SETD1B: variants seen among roughly 807,000 people sequenced by gnomAD.
SETD1B encodes SET domain containing 1B, histone lysine methyltransferase.
A neutral mutation model predicts 148.0 loss-of-function variants in SETD1B; 7 were observed. That is an observed-to-expected ratio of 0.05 (90% CI 0.03 to 0.09). The LOEUF is 0.09. Ranked by LOEUF, SETD1B falls within the 10% of genes least tolerant of loss-of-function variation. The pLI, the probability that SETD1B is intolerant of heterozygous loss-of-function variation, is 1.00. For missense variants in SETD1B, 2,155 were observed against 2,729.9 expected, an observed-to-expected ratio of 0.79 and a Z score of 4.69; for synonymous variants, 1,361 against 1,186.5, an observed-to-expected ratio of 1.15 and a Z score of -3.02.
the SETD1B span, among the ~76,000 whole-genome samples, chr12:121,796,663 G>A: frequency 2.0e-5 from 3 of 152,240 alleles, no homozygotes; most frequent in African/African-American, 4.8e-5. Flanking sequence ...CTGCCCATGA[G>A]CACTCGGGGA....
At position 121,823,568 on chromosome 12, in the gene SETD1B, G is replaced by A. The variant is rs933920568; in HGVS notation, c.4989G>A (p.Ser1663=). 1.7e-5 allele frequency: 26 copies of A among 1,551,014 alleles called. No homozygotes were observed. Among genetic ancestry groups the A allele is most frequent in the East Asian group, 2.4e-5 (1 of 40,900 alleles). ...CACCTGCGGGCTCGCCCGAACTCTC[G>A]CCACCCCAGCCCCTCTTCCGGCCCC... is the stretch of plus-strand genomic sequence containing the variant. ...LVPPAGSPEL[S]PPQPLFRPRS... Residue 1663 remains serine (S), a synonymous_variant, in exon 12 of 17, where the codon TCG becomes TCA. Coordinates refer to ENST00000604567, the MANE Select transcript of SETD1B (RefSeq NM_001353345.2).
chr12:121,800,915 A>G (rs1241686078), upstream of SETD1B: 1 of 151,906 alleles, frequency 6.6e-6, no homozygotes, highest in Non-Finnish European at 1.5e-5. Context: ...GGAGGAAGGA[A>G]GGAAAGAGAG....
Position 121,817,338 on chromosome 12 carries a change from C to A in SETD1B, c.2978-32C>A, listed in dbSNP as rs909222863. On this transcript the variant is annotated intron_variant, in intron 8 of 16. Transcript: ENST00000604567. This position sits in a 1 kb window ranked among gnomAD's most constrained non-coding sequence, Gnocchi z 8.1. ...GGGGTCCCCTTCTTCCGCATCCCCC[C>A]AGCCCAGCTCTGACTCCCTCCCTTC... 1 of 1,536,212 alleles carries A rather than the reference C, an allele frequency of 6.5e-7. No individual in the cohort carries two copies. Among genetic ancestry groups the A allele is most frequent in the Non-Finnish European group, 8.8e-7 (1 of 1,138,044 alleles).
rs1875707250 is a variant in SETD1B, at chr12:121,805,691, T to TTTTTTTTCCAAAAAAAA, written c.274-137_274-136insCCAAAAAAAATTTTTTT. On this transcript the variant is annotated intron_variant, in intron 3 of 16. Coordinates refer to ENST00000604567, the MANE Select transcript of SETD1B (RefSeq NM_001353345.2). This position sits in a 1 kb window ranked among gnomAD's most constrained non-coding sequence, Gnocchi z 4.2. ...TGCATTTTTTTTTTCCAAAAAAAAT[T>TTTTTTTTCCAAAAAAAA]TTTTTTTTTTTTTTAATTTTTAGTT... 1 of 27,458 alleles carries TTTTTTTTCCAAAAAAAA rather than the reference T, an allele frequency of 3.6e-5. No homozygotes were observed. Among genetic ancestry groups the TTTTTTTTCCAAAAAAAA allele is most frequent in the Non-Finnish European group, 5.6e-5 (1 of 17,898 alleles). 1.7% of individuals were successfully genotyped at this position (27,458 alleles called of 1,614,324 possible).
At chr12:121,820,583 G>C (rs1876519748) in intron 11 of SETD1B, among the ~76,000 whole-genome samples, 1 of 151,854 alleles carries the variant, frequency 6.6e-6, no homozygotes, top group South Asian at 2.1e-4. Flanking sequence ...ACCCAGGCTG[G>C]AGTGCAGTGG....
intron 12 of SETD1B, 65 bp downstream of exon 12, chr12:121,823,814 G>A (rs778897960): frequency 1.9e-4 from 275 of 1,480,606 alleles, no homozygotes; most frequent in Non-Finnish European, 2.3e-4. Flanking sequence ...TCACCTCTCT[G>A]GGCCCCACCA....
rs188677827 is a variant in SETD1B at position 121,830,125 on chromosome 12, G to A, written c.5787G>A (p.Ser1929=). Residue 1929 remains serine, a synonymous_variant, in exon 17 of 17, where the codon TCG becomes TCA. Transcript: ENST00000604567. The surrounding 1 kb of genome is among the most constrained non-coding windows in gnomAD (Gnocchi z 5.7). ...CACAGAAGAAGATAGTCATCTACTC[G>A]AAGCAGCACATTAACGTCAATGAGG... ...VESQKKIVIY[S]KQHINVNEEI... The A allele has an allele frequency of 7.6e-5, 118 of 1,551,488 alleles. 1 individual carries two copies. In the African/African-American group the frequency reaches 7.9e-4, roughly 10 times the overall value.
At chr12:121,799,324 A>G (rs1218458816), upstream of SETD1B, 1 of 152,276 alleles carries the variant, frequency 6.6e-6, no homozygotes, top group African/African-American at 2.4e-5. Context: ...CTGGAGAAGA[A>G]AACAATCCCA....
At chr12:121,812,535 A>G (rs1343950789) in intron 6 of SETD1B, among the ~76,000 whole-genome samples, 1 of 151,616 alleles carries the variant, frequency 6.6e-6, no homozygotes, top group South Asian at 2.1e-4. Context: ...TCTCACCCCG[A>G]GACTGCTGGG....
At chr12:121,813,568 T>G (rs1876141322) in intron 6 of SETD1B, among the ~76,000 whole-genome samples, 1 of 152,178 alleles carries the variant, frequency 6.6e-6, no homozygotes, top group African/African-American at 2.4e-5. Flanking sequence ...AATAGGGCTG[T>G]TCTGAGGATT....
the SETD1B span, among the ~76,000 whole-genome samples, chr12:121,796,541 A>G: frequency 6.6e-6 from 1 of 152,210 alleles, no homozygotes; most frequent in Non-Finnish European, 1.5e-5. Flanking sequence ...GGCCACCCAC[A>G]TGAGGCAGAA....
chr12:121,819,314 C>T (rs1876451004), intron 10 of SETD1B, 90 bp from the exon 11 acceptor site: 3 of 1,523,830 alleles, frequency 2.0e-6, no homozygotes, highest in African/African-American at 1.4e-5. Flanking sequence ...AGCCTGGGTG[C>T]CACCAGTTTG....
Position 121,810,518 on chromosome 12 carries a change from G to A in SETD1B, c.1573G>A (p.Glu525Lys), listed in dbSNP as rs1308964256. The A allele has an allele frequency of 1.9e-6, 3 of 1,546,096 alleles. No homozygotes were observed. Among genetic ancestry groups the A allele is most frequent in the Non-Finnish European group, 1.7e-6 (2 of 1,146,962 alleles). Residue 525 changes from glutamate (E) to lysine (K), a missense_variant, in exon 6 of 17, where the codon GAG (glutamate) becomes AAG (lysine). By Grantham distance (56) the Glu-to-Lys change is moderately conservative. Transcript: ENST00000604567. The surrounding 1 kb of genome is among the most constrained non-coding windows in gnomAD (Gnocchi z 7.6). The stretch of plus-strand genomic sequence containing the variant: ...CCTGAGGGAGCCGGACTCGGACACC[G>A]AGCTGCAGATGGAGGGCAGCCCCAT... ...LFLREPDSDTELQMEGSPISS... is the reference protein window; with the variant it reads ...LFLREPDSDTKLQMEGSPISS...
chr12:121,823,190 C>A lies in SETD1B; in HGVS notation c.4611C>A (p.Val1537=). Residue 1537 remains valine (V), a synonymous_variant, in exon 12 of 17, where the codon GTC becomes GTA. Transcript: ENST00000604567. ...TGCTCTCCTTGGATGGGCCCTTGGTCCGACCACCAGCAGGGGCCGCCCTTG... is the reference window on the plus strand; with the variant it reads ...TGCTCTCCTTGGATGGGCCCTTGGTACGACCACCAGCAGGGGCCGCCCTTG... ...PSMLSLDGPL[V]RPPAGAALGR... The A allele has an allele frequency of 6.5e-7, 1 of 1,546,632 alleles. No homozygotes were observed. The highest frequency in any genetic ancestry group is 8.7e-7 in the Non-Finnish European group (1 of 1,146,348).
At position 121,814,886 on chromosome 12, in the gene SETD1B, C is replaced by T; in HGVS notation, c.2671C>T (p.Arg891Trp). The change falls in exon 7 of 17, where the codon CGG becomes TGG. Residue 891 changes from arginine to tryptophan, a missense_variant. This residue lies in a region of SETD1B where 289 missense variants were observed against 423.7 expected (regional missense o/e 0.68). Transcript: ENST00000604567. ...CAAGATGGTGGAAGTGGTGGCTTTC[C>T]GGGCCTTTGACGAGTGGTGGGACAA... ...NRKMVEVVAF[R>W]AFDEWWDKKE... 3 of 1,522,618 alleles carry T rather than the reference C, an allele frequency of 2.0e-6. No individual in the cohort carries two copies. The highest frequency in any genetic ancestry group is 1.8e-6 in the Non-Finnish European group (2 of 1,130,472). 94.3% of individuals were successfully genotyped at this position (1,522,618 alleles called of 1,614,324 possible). A position where few individuals can be genotyped will look rare whatever the true frequency, so the allele number is the denominator to read the frequency against.
chr12:121,823,157 A>C lies in SETD1B; in HGVS notation c.4578A>C (p.Pro1526=). Residue 1526 remains proline (P), a synonymous_variant, in exon 12 of 17, where the codon CCA becomes CCC. Transcript: ENST00000604567. ...AGCCGGGCCGGCCCCGGCGATCCCCACCATCTATGCTCTCCTTGGATGGGC... is the reference window on the plus strand; with the variant it reads ...AGCCGGGCCGGCCCCGGCGATCCCCCCCATCTATGCTCTCCTTGGATGGGC... ...KRKPGRPRRS[P]PSMLSLDGPL... 1 of 1,268,386 alleles carries C rather than the reference A, an allele frequency of 7.9e-7. No homozygotes were observed. The highest frequency in any genetic ancestry group is 5.4e-5 in the East Asian group (1 of 18,668). The allele number at this position is 1,268,386 out of a possible 1,614,324, so 78.6% of individuals were successfully genotyped here.
Position 121,804,659 on chromosome 12 carries a change from CGT to C in SETD1B, c.-14-58_-14-57del. On this transcript the variant is annotated intron_variant, in intron 1 of 16. Coordinates refer to ENST00000604567, the MANE Select transcript of SETD1B (RefSeq NM_001353345.2). The surrounding 1 kb of genome is among the most constrained non-coding windows in gnomAD (Gnocchi z 4.6). ...GGGGCCTGCCGATTGGATTCTTTCG[CGT>C]GTGTGTAGAAGCGGCCGCCGCCGCC... is the stretch of plus-strand genomic sequence containing the variant. The C allele has an allele frequency of 7.1e-7, 1 of 1,402,192 alleles. No individual in the cohort carries two copies. The highest frequency in any genetic ancestry group is 9.7e-7 in the Non-Finnish European group (1 of 1,032,470). 86.9% of individuals were successfully genotyped at this position (1,402,192 alleles called of 1,614,324 possible). A position where few individuals can be genotyped will look rare whatever the true frequency, so the allele number is the denominator to read the frequency against.
the SETD1B span, chr12:121,797,746 C>T: frequency 2.7e-6 from 1 of 371,474 alleles, no homozygotes; most frequent in South Asian, 2.0e-5. Flanking sequence ...GCCACACCCT[C>T]GGGCGGCAGA....
intron 16 of SETD1B, among the ~76,000 whole-genome samples, chr12:121,828,568 C>T (rs754955567): frequency 1.3e-5 from 2 of 152,164 alleles, no homozygotes; most frequent in East Asian, 1.9e-4. Flanking sequence ...TGAATTTAAA[C>T]TTAATTAGCT....
Sources: allele counts gnomAD v4.1 joint callset (sites outside exome capture counted in the v4.1 genomes callset), GRCh38; gene constraint gnomAD v4.1.1; regional missense constraint gnomAD v4.1.1; non-coding constraint Gnocchi (gnomAD v3.1); transcripts MANE v1.5; gene names NCBI Gene and HGNC (gene_info 2026-07-23, HGNC 2026-07-21).